Variants in SYNPO2 observed in about 807,000 individuals in gnomAD.
SYNPO2 encodes synaptopodin-2.
In SYNPO2, 56 loss-of-function variants were observed where a neutral mutation model predicts 85.0. The observed-to-expected ratio is 0.66, with a 90% CI of 0.53 to 0.82. The LOEUF (loss-of-function observed/expected upper bound fraction) is 0.82. Among genes scored for constraint, SYNPO2 ranks in the 40% least tolerant of loss-of-function variants. The pLI, the probability that SYNPO2 is intolerant of heterozygous loss-of-function variation, is 0.00. For missense variants in SYNPO2, 1,575 were observed against 1,534.2 expected, an observed-to-expected ratio of 1.03 and a Z score of -0.44; for synonymous variants, 602 against 591.1, an observed-to-expected ratio of 1.02 and a Z score of -0.27.
At chr4:118,946,351 A>G (rs934408050) in intron 1 of SYNPO2, among the ~76,000 whole-genome samples, 5 of 152,048 alleles carry the variant, frequency 3.3e-5, no homozygotes, top group Non-Finnish European at 7.4e-5. Flanking sequence ...TAAAAGCAAC[A>G]CTCTTGACAA....
chr4:118,992,380 G>A (rs1736448647), intron 1 of SYNPO2, among the ~76,000 whole-genome samples: 1 of 152,132 alleles, frequency 6.6e-6, no homozygotes, highest in Non-Finnish European at 1.5e-5. Context: ...GCAACATGAT[G>A]TAAGAAATAA....
At chr4:118,959,070 T>C (rs1434336954) in intron 1 of SYNPO2, among the ~76,000 whole-genome samples, 1 of 152,214 alleles carries the variant, frequency 6.6e-6, no homozygotes, top group Non-Finnish European at 1.5e-5. Context: ...AAAGGCAACA[T>C]GTATTGACTA....
At chr4:119,036,390 C>T (rs1436133021) in intron 4 of SYNPO2, 2 of 985,272 alleles carry the variant, frequency 2.0e-6, no homozygotes, top group African/African-American at 3.5e-5. Context: ...CTTGGGTCCA[C>T]ATATCATTGG....
At chr4:118,855,015 T>C (rs1263919617) in intron 1 of SYNPO2, among the ~76,000 whole-genome samples, 2 of 151,994 alleles carry the variant, frequency 1.3e-5, no homozygotes, top group African/African-American at 4.8e-5. Context: ...AAATCAAAAC[T>C]GTCAGTAAAT....
At chr4:118,896,168 T>C (rs1732545412) in intron 1 of SYNPO2, among the ~76,000 whole-genome samples, 1 of 152,212 alleles carries the variant, frequency 6.6e-6, no homozygotes, top group African/African-American at 2.4e-5. Context: ...TGTTGAAAAT[T>C]GCAATGACTT....
intron 4 of SYNPO2, among the ~76,000 whole-genome samples, chr4:119,050,855 T>C (rs1257177594): frequency 5.3e-5 from 8 of 152,212 alleles, no homozygotes. Flanking sequence ...ATCTGCCAGA[T>C]GACATGGTCC....
chr4:119,025,748 G>C (rs1033884524), intron 2 of SYNPO2, among the ~76,000 whole-genome samples: 6 of 152,148 alleles, frequency 3.9e-5, no homozygotes, highest in Non-Finnish European at 7.4e-5. Flanking sequence ...TCCTACAGCT[G>C]TTCTGTGAAT....
intron 1 of SYNPO2, among the ~76,000 whole-genome samples, chr4:118,883,775 G>A (rs943929054): frequency 6.6e-6 from 1 of 150,402 alleles, no homozygotes; most frequent in Admixed American, 6.6e-5. Context: ...GCGGGCTTAT[G>A]TGCTCTTTGA....
chr4:118,888,557 T>C (rs1185747780), upstream of SYNPO2, among the ~76,000 whole-genome samples: 6 of 152,250 alleles, frequency 3.9e-5, no homozygotes, highest in Admixed American at 1.3e-4. Context: ...ACGTCATTCA[T>C]GGCGTGGAGA....
At position 118,900,703 on chromosome 4, in the gene SYNPO2, C is replaced by CTCTATA. The variant is rs1277981772; in HGVS notation, c.105+11563_105+11564insCTATAT. Among the ~76,000 whole-genome samples, 383 of 43,850 alleles carry CTCTATA rather than the reference C, an allele frequency of 8.7e-3. 2 individuals are homozygous for CTCTATA. The highest frequency in any genetic ancestry group is 0.011 in the Admixed American group (38 of 3,404). The allele number at this position is 43,850 out of a possible 152,430, so 28.8% of individuals were successfully genotyped here. A position where few individuals can be genotyped will look rare whatever the true frequency, so the allele number is the denominator to read the frequency against. Reference sequence around the variant, plus strand: ...TCTCTCTCTCTCTCTCTCTCTCTCTCTATATATATATATATATATATATAT... The same window carrying CTCTATA: ...TCTCTCTCTCTCTCTCTCTCTCTCTCTCTATATATATATATATATATATATATATAT... On this transcript the variant is annotated intron_variant, in intron 1 of 4. Coordinates refer to ENST00000307142, the MANE Select transcript of SYNPO2 (RefSeq NM_133477.3).
chr4:118,940,550 A>G (rs1204354879), intron 1 of SYNPO2, among the ~76,000 whole-genome samples: 2 of 151,636 alleles, frequency 1.3e-5, no homozygotes. Context: ...TGTGCTCGTT[A>G]TTGGACTGAG....
chr4:118,972,105 TAAAAG>T lies in SYNPO2; in HGVS notation c.106-51321_106-51317del, dbSNP rs1364200453. Reference sequence around the variant, plus strand: ...TTCTGACGAGAACTTCCTCAGAACATAAAAGAAAGAGAGGAGACAGAATAATATTT... The same window carrying T: ...TTCTGACGAGAACTTCCTCAGAACATAAAGAGAGGAGACAGAATAATATTT... On this transcript the variant is annotated intron_variant, in intron 1 of 4. Coordinates refer to ENST00000307142, the MANE Select transcript of SYNPO2 (RefSeq NM_133477.3). 4.6e-5 allele frequency among the ~76,000 whole-genome samples: 7 copies of T among 152,190 alleles called. No individual in the cohort carries two copies. The East Asian group carries it at 1.4e-3, about 29-fold the overall frequency.
intron 1 of SYNPO2, among the ~76,000 whole-genome samples, chr4:118,938,163 G>A (rs1057233760): frequency 5.9e-5 from 9 of 151,948 alleles, no homozygotes; most frequent in Admixed American, 5.9e-4. Flanking sequence ...AATTAGCCAG[G>A]CGGTAGGCTG....
chr4:118,976,406 G>C (rs961126070), intron 1 of SYNPO2, among the ~76,000 whole-genome samples: 7 of 152,192 alleles, frequency 4.6e-5, no homozygotes, highest in Non-Finnish European at 1.0e-4. Flanking sequence ...CAAAGAGTGA[G>C]CAGTAGCAAG....
chr4:118,861,808 T>C (rs1164575976), intron 1 of SYNPO2, among the ~76,000 whole-genome samples: 1 of 152,242 alleles, frequency 6.6e-6, no homozygotes, highest in Non-Finnish European at 1.5e-5. Flanking sequence ...CTGCTCAGGA[T>C]AGCTTTGGCT....
chr4:119,053,670 C>A (rs1466524896), intron 4 of SYNPO2, among the ~76,000 whole-genome samples: 1 of 152,148 alleles, frequency 6.6e-6, no homozygotes, highest in African/African-American at 2.4e-5. Flanking sequence ...TATCACTGAA[C>A]AATATTTTGA....
At chr4:118,871,677 T>C (rs1731803879) in intron 1 of SYNPO2, among the ~76,000 whole-genome samples, 1 of 152,034 alleles carries the variant, frequency 6.6e-6, no homozygotes, top group South Asian at 2.1e-4. Flanking sequence ...CACGCCATTC[T>C]CCTGCCTCAA....
intron 1 of SYNPO2, among the ~76,000 whole-genome samples, chr4:118,942,664 G>A (rs569483849): frequency 2.0e-5 from 3 of 152,210 alleles, no homozygotes; most frequent in African/African-American, 7.2e-5. Flanking sequence ...TTCTTTACTG[G>A]GGATAATGTT....
At chr4:118,927,009 A>G (rs1025911666) in intron 1 of SYNPO2, among the ~76,000 whole-genome samples, 6 of 152,172 alleles carry the variant, frequency 3.9e-5, no homozygotes, top group African/African-American at 1.2e-4. Context: ...CTGCTCATCA[A>G]TTGAAATCTA....
Sources: gnomAD v4.1 joint callset for allele counts (sites outside exome capture counted in the v4.1 genomes callset) on GRCh38, gnomAD v4.1.1 for gene constraint, MANE v1.5 for transcripts, NCBI Gene and HGNC (gene_info 2026-07-23, HGNC 2026-07-21) for gene names.